Variants in TAL1 observed in about 807,000 individuals in gnomAD.
TAL1 encodes the protein TAL bHLH transcription factor 1, erythroid differentiation factor.
TAL1 carries 8 observed loss-of-function variants against 17.9 expected under a neutral mutation model. The ratio of observed to expected loss-of-function variants is 0.45; its 90% CI spans 0.26 to 0.81. TAL1 has a LOEUF of 0.81. Ranked by LOEUF, TAL1 falls within the 30% of genes least tolerant of loss-of-function variation. The pLI, the probability that TAL1 is intolerant of heterozygous loss-of-function variation, is 0.17. For missense variants in TAL1, 466 were observed against 486.9 expected (o/e 0.96, Z 0.40); for synonymous variants, 223 against 218.6 (o/e 1.02, Z -0.18).
chr1:47,219,300 G>GCTTGCTT (rs1645561234), exon 4 of TAL1: 27 of 486,566 alleles, frequency 5.5e-5, no homozygotes, highest in South Asian at 4.6e-4. Context: ...TGGCCACACA[G>GCTTGCTT]GCCACCCCAG....
intron 3 of TAL1, among the ~76,000 whole-genome samples, chr1:47,222,682 C>T (rs959577379): frequency 6.6e-6 from 1 of 152,104 alleles, no homozygotes; most frequent in African/African-American, 2.4e-5. Context: ...AGAGAACCAC[C>T]CCCTCTCCTC....
exon 2 of TAL1, chr1:47,225,625 C>A (rs1643895696): frequency 2.2e-6 from 3 of 1,382,500 alleles, no homozygotes; most frequent in Admixed American, 3.7e-5. Flanking sequence ...CGGTGGTGGG[C>A]ACCCGATGGC....
chr1:47,225,492 C>CG lies in TAL1; in HGVS notation c.396dup (p.Gly133ArgfsTer43). The CG allele has an allele frequency of 8.1e-7, 1 of 1,235,310 alleles. No homozygotes were observed. Among genetic ancestry groups the CG allele is most frequent in the Non-Finnish European group, 1.0e-6 (1 of 991,390 alleles). 76.5% of individuals were successfully genotyped at this position (1,235,310 alleles called of 1,614,324 possible). A position where few individuals can be genotyped will look rare whatever the true frequency, so the allele number is the denominator to read the frequency against. On this transcript the variant is annotated frameshift_variant, in exon 2 of 4. Transcript: ENST00000294339. LOFTEE classifies it high-confidence loss of function. ...CTGAGGCTGTAGAGCAGCGCGCGGC[C>CG]GGGGGCGGCGGGGGCAGCCAGCGCG...
chr1:47,231,605 T>G (rs1325823953), upstream of TAL1: 5 of 233,510 alleles, frequency 2.1e-5, no homozygotes, highest in East Asian at 3.0e-4. Flanking sequence ...ACGCCCGACA[T>G]AACGACGACA....
At chr1:47,224,535 A>C (rs1263341138) in intron 2 of TAL1, among the ~76,000 whole-genome samples, 1 of 151,890 alleles carries the variant, frequency 6.6e-6, no homozygotes, top group Non-Finnish European at 1.5e-5. Flanking sequence ...TGTAACCTTC[A>C]CACCTGATGG....
exon 4 of TAL1, chr1:47,218,357 T>C (rs1046278484): frequency 8.6e-6 from 2 of 232,850 alleles, no homozygotes; most frequent in Non-Finnish European, 1.7e-5. Flanking sequence ...CAGTGGTTCA[T>C]TCTACAAAAG....
chr1:47,223,890 A>G (rs1158146170), intron 3 of TAL1, 114 bp downstream of exon 4: 3 of 1,067,510 alleles, frequency 2.8e-6, no homozygotes, highest in South Asian at 1.4e-5. Flanking sequence ...GGGTTTGGAA[A>G]GTGGCCCGCC....
exon 4 of TAL1, chr1:47,219,671 C>G: frequency 4.4e-6 from 7 of 1,601,400 alleles, no homozygotes; most frequent in Non-Finnish European, 5.9e-6. Context: ...GCCCACCATC[C>G]CAGCAGCCTA....
chr1:47,223,904 C>T, intron 3 of TAL1, 100 bp downstream of exon 4: 1 of 1,214,638 alleles, frequency 8.2e-7, no homozygotes. Flanking sequence ...GCCCGCCCAT[C>T]TTTGTGAGAT....
At position 47,225,428 on chromosome 1, in the gene TAL1, C is replaced by A. The variant is rs1557678647; in HGVS notation, c.446+15G>T. ...CACCCGCCCAGCCCCTGGCCCCTGG[C>A]CCCTGGCCCCTGACCTGCCGAGAGA... On this transcript the variant is annotated intron_variant, in intron 2 of 3. Transcript: ENST00000294339. 8.1e-7 allele frequency: 1 copy of A among 1,230,012 alleles called. No homozygotes were observed. Among genetic ancestry groups the A allele is most frequent in the East Asian group, 3.2e-5 (1 of 31,532 alleles). The allele number at this position is 1,230,012 out of a possible 1,614,324, so 76.2% of individuals were successfully genotyped here. A position where few individuals can be genotyped will look rare whatever the true frequency, so the allele number is the denominator to read the frequency against.
intron 1 of TAL1, chr1:47,227,338 TA>T (rs1643928317): frequency 6.6e-6 from 1 of 152,240 alleles, no homozygotes; most frequent in Non-Finnish European, 1.5e-5. Flanking sequence ...CTGAATTATA[TA>T]ATTGGGTATT....
chr1:47,222,808 C>T (rs1255262716), intron 3 of TAL1, among the ~76,000 whole-genome samples: 15 of 152,136 alleles, frequency 9.9e-5, no homozygotes, highest in African/African-American at 2.9e-4. Context: ...GACTGCCCTA[C>T]ACTCCTGCAC....
chr1:47,231,484 C>T (rs930245397), upstream of TAL1, among the ~76,000 whole-genome samples: 3 of 151,990 alleles, frequency 2.0e-5, no homozygotes. Context: ...CCACCTAGCA[C>T]TGCCCCAGAA....
At chr1:47,225,334 C>T in intron 2 of TAL1, 109 bp downstream of exon 3, 1 of 1,048,626 alleles carries the variant, frequency 9.5e-7, no homozygotes, top group Non-Finnish European at 1.2e-6. Flanking sequence ...GCGCTCCACC[C>T]GCTCGGCCCC....
chr1:47,217,719 T>A (rs1645525544), exon 4 of TAL1: 2 of 398,528 alleles, frequency 5.0e-6, no homozygotes. Flanking sequence ...ATAAAATATG[T>A]GATCCATCTC....
Position 47,219,894 on chromosome 1 carries a change from G to GGCGGCCCC in TAL1, c.821_822insGGGGCCGC (p.Ala275GlyfsTer173). ...CTTGCAGGAGGTCATCTGGGGGCGC[G>GGCGGCCCC]CCGCCCCCTCCCCCACCTCCACCCC... is the stretch of plus-strand genomic sequence containing the variant. On this transcript the variant is annotated frameshift_variant, in exon 4 of 4. Coordinates refer to ENST00000294339, the Ensembl canonical transcript of TAL1. LOFTEE classifies it high-confidence loss of function. 1.9e-6 allele frequency: 3 copies of GGCGGCCCC among 1,556,026 alleles called. No individual in the cohort carries two copies. The highest frequency in any genetic ancestry group is 1.7e-6 in the Non-Finnish European group (2 of 1,149,574).
At position 47,219,469 on chromosome 1, in the gene TAL1, G is replaced by C. The variant is rs1202925879; in HGVS notation, c.*251C>G. 5.8e-6 allele frequency: 4 copies of C among 688,600 alleles called. No homozygotes were observed. The South Asian group carries it at 6.0e-5, about 10-fold the overall frequency. 42.7% of individuals were successfully genotyped at this position (688,600 alleles called of 1,614,324 possible). Reference sequence around the variant, plus strand: ...TGGGAAGGATTTGGGACTGAGGGAAGAGGGAAGACCGTGCCGTCTTCACAA... The same window carrying C: ...TGGGAAGGATTTGGGACTGAGGGAACAGGGAAGACCGTGCCGTCTTCACAA... On this transcript the variant is annotated 3_prime_UTR_variant, in exon 4 of 4. Transcript: ENST00000294339.
chr1:47,219,750 C>T, exon 4 of TAL1: 1 of 1,610,814 alleles, frequency 6.2e-7, no homozygotes, highest in South Asian at 1.1e-5. Context: ...CGGCGGCAGG[C>T]AGCATGGCAG....
intron 2 of TAL1, 35 bp downstream of exon 3, chr1:47,225,408 G>C: frequency 1.7e-6 from 2 of 1,200,750 alleles, no homozygotes; most frequent in Non-Finnish European, 2.1e-6. Flanking sequence ...CTGCCCACCC[G>C]CCCAGCCCCT....
Sources: allele counts gnomAD v4.1 joint callset (sites outside exome capture counted in the v4.1 genomes callset), GRCh38; gene constraint gnomAD v4.1.1; transcripts MANE v1.5; gene names NCBI Gene and HGNC (gene_info 2026-07-23, HGNC 2026-07-21).